Variants in MINK1 observed in about 807,000 individuals in gnomAD.
MINK1 encodes the protein misshapen like kinase 1.
In MINK1, 46 loss-of-function variants were observed where a neutral mutation model predicts 178.4. The ratio of observed to expected loss-of-function variants is 0.26; its 90% CI spans 0.20 to 0.33. The LOEUF (loss-of-function observed/expected upper bound fraction) is 0.33. Ranked by LOEUF, MINK1 falls within the 10% of genes least tolerant of loss-of-function variation. MINK1 has a pLI of 1.00. For synonymous variants in MINK1, 797 were observed against 709.7 expected, an observed-to-expected ratio of 1.12 and a Z score of -1.96; for missense variants, 1,366 against 1,814.9, an observed-to-expected ratio of 0.75 and a Z score of 4.49.
At position 4,892,162 on chromosome 17, in the gene MINK1, C is replaced by T; in HGVS notation, c.2015C>T (p.Thr672Ile). 1 of 1,599,070 alleles carries T rather than the reference C, an allele frequency of 6.3e-7. No homozygotes were observed. Among genetic ancestry groups the T allele is most frequent in the Non-Finnish European group, 8.5e-7 (1 of 1,173,828 alleles). ...NEAPPKVPQR[T>I]SSIATALNTS... ...TTCTCTCCACAGGTGCCTCAGAGGA[C>T]CTCATCTATCGCCACTGCCCTTAAC... is the stretch of plus-strand genomic sequence containing the variant. Residue 672 changes from threonine to isoleucine, a missense_variant, in exon 17 of 32, where the codon ACC becomes ATC. Coordinates refer to ENST00000355280, the MANE Select transcript of MINK1 (RefSeq NM_153827.5).
chr17:4,876,758 A>G (rs1411306814), intron 1 of MINK1, among the ~76,000 whole-genome samples: 4 of 151,780 alleles, frequency 2.6e-5, no homozygotes, highest in Non-Finnish European at 5.9e-5. Flanking sequence ...AGCGGTGGGG[A>G]CGGGCCCACC....
chr17:4,886,051 C>T lies in MINK1; in HGVS notation c.695-69C>T. 1 of 1,609,398 alleles carries T rather than the reference C, an allele frequency of 6.2e-7. No individual in the cohort carries two copies. The highest frequency in any genetic ancestry group is 1.1e-5 in the South Asian group (1 of 90,980). On this transcript the variant is annotated intron_variant, in intron 8 of 31. Transcript: ENST00000355280. The surrounding 1 kb of genome is among the most constrained non-coding windows in gnomAD (Gnocchi z 6.1). ...GTAGGGAGGAGGTGGGTCCTGGGAC[C>T]CTGCCGAGGAAGGGTCCTGTAGCTC...
chr17:4,893,217 C>T (rs1179864089), intron 20 of MINK1, 150 bp downstream of exon 20: 20 of 1,515,370 alleles, frequency 1.3e-5, no homozygotes, highest in Non-Finnish European at 1.8e-5. Flanking sequence ...GCTAACCTTT[C>T]CTAACCTCTC....
intron 2 of MINK1, among the ~76,000 whole-genome samples, chr17:4,879,298 G>A (rs1172638047): frequency 1.3e-5 from 2 of 152,248 alleles, no homozygotes; most frequent in Non-Finnish European, 2.9e-5. Context: ...CAGGGTGAAT[G>A]CTGCCTCTGA....
chr17:4,838,947 C>CT (rs149544017), intron 1 of MINK1, among the ~76,000 whole-genome samples: 12,058 of 145,034 alleles, frequency 0.083, 495 homozygotes, highest in Non-Finnish European at 0.098. Flanking sequence ...AGCCTAGACT[C>CT]TTTTTTTTTT....
At chr17:4,839,106 G>T (rs983541648) in intron 1 of MINK1, among the ~76,000 whole-genome samples, 1 of 152,118 alleles carries the variant, frequency 6.6e-6, no homozygotes, top group African/African-American at 2.4e-5. Flanking sequence ...ACAATGCCTG[G>T]CTAATTTTTT....
chr17:4,871,331 C>T (rs1016335932), intron 1 of MINK1, among the ~76,000 whole-genome samples: 2 of 151,808 alleles, frequency 1.3e-5, no homozygotes, highest in Non-Finnish European at 2.9e-5. Flanking sequence ...GCTGGGACTA[C>T]AGGTACATGC....
intron 1 of MINK1, among the ~76,000 whole-genome samples, chr17:4,860,605 G>A (rs1253806728): frequency 1.3e-5 from 2 of 152,188 alleles, no homozygotes; most frequent in Admixed American, 6.5e-5. Context: ...AGGCAGCACC[G>A]TGAGAGCTGC....
intron 4 of MINK1, among the ~76,000 whole-genome samples, chr17:4,883,495 A>C (rs918535631): frequency 6.8e-6 from 1 of 146,902 alleles, no homozygotes; most frequent in Non-Finnish European, 1.5e-5. Flanking sequence ...TGAGCCACTG[A>C]GCCCGGCCCA....
intron 1 of MINK1, among the ~76,000 whole-genome samples, chr17:4,837,291 TG>T (rs1409974274): frequency 6.6e-6 from 1 of 152,204 alleles, no homozygotes; most frequent in African/African-American, 2.4e-5. Flanking sequence ...TTGCACATAA[TG>T]GGGGCTCAAA....
rs1267908483 is a variant in MINK1, at chr17:4,895,483, C to T, written c.3219C>T (p.Ile1073=). 1 of 1,583,980 alleles carries T rather than the reference C, an allele frequency of 6.3e-7. No individual in the cohort carries two copies. The highest frequency in any genetic ancestry group is 1.3e-5 in the African/African-American group (1 of 74,478). The change falls in exon 26 of 32, where the codon ATC becomes ATT. Residue 1073 remains isoleucine (I), a synonymous_variant. Transcript: ENST00000355280. This position sits in a 1 kb window ranked among gnomAD's most constrained non-coding sequence, Gnocchi z 4.3. ...MDVLEGLNLL[I]TISGKRNKLR... ...TGCTGGAGGGGCTCAACCTGCTCAT[C>T]ACCATCTCAGGTACAGGTGTGGTGA...
chr17:4,885,928 A>G lies in MINK1; in HGVS notation c.657A>G (p.Leu219=). The change falls in exon 8 of 32, where the codon CTA becomes CTG. Residue 219 remains leucine, a synonymous_variant. Coordinates refer to ENST00000355280, the MANE Select transcript of MINK1 (RefSeq NM_153827.5). The surrounding 1 kb of genome is among the most constrained non-coding windows in gnomAD (Gnocchi z 5.0). ...GTCTATAGAGTGATATTTGGTCTCT[A>G]GGAATCACAGCCATCGAGATGGCAG... ...TYDYRSDIWS[L]GITAIEMAEG... is the part of the protein sequence containing the mutation. 1 of 1,613,850 alleles carries G rather than the reference A, an allele frequency of 6.2e-7. No individual in the cohort carries two copies. Among genetic ancestry groups the G allele is most frequent in the Non-Finnish European group, 8.5e-7 (1 of 1,179,824 alleles).
Position 4,889,854 on chromosome 17 carries a change from C to T in MINK1, c.1347+91C>T, listed in dbSNP as rs369321591. 1,297 of 897,014 alleles carry T rather than the reference C, an allele frequency of 1.4e-3. 32 individuals carry two copies. In the South Asian group the frequency reaches 0.021, roughly 15 times the overall value. The allele number at this position is 897,014 out of a possible 1,614,324, so 55.6% of individuals were successfully genotyped here. A position where few individuals can be genotyped will look rare whatever the true frequency, so the allele number is the denominator to read the frequency against. On this transcript the variant is annotated intron_variant, in intron 13 of 31. Transcript: ENST00000355280. ...CCCCGTGCCCTTCCCCCTTCTCTCC[C>T]CCACCCCCAGATTCCTCCTATCTTT... is the stretch of plus-strand genomic sequence containing the variant.
chr17:4,884,307 G>A (rs958622390), intron 4 of MINK1, 56 bp from the exon 5 acceptor site: 1 of 1,395,738 alleles, frequency 7.2e-7, no homozygotes. Context: ...TGGGGCAGGG[G>A]TGGGAGGGCT....
At position 4,885,623 on chromosome 17, in the gene MINK1, G is replaced by A; in HGVS notation, c.639+10G>A. On this transcript the variant is annotated intron_variant, in intron 7 of 31. Transcript: ENST00000355280. This position sits in a 1 kb window ranked among gnomAD's most constrained non-coding sequence, Gnocchi z 5.0. ...CACCTATGATTACAGGGTATGGAGTGGAAAGTTGGGAGCATGGGGGCTGCC... is the reference window on the plus strand; with the variant it reads ...CACCTATGATTACAGGGTATGGAGTAGAAAGTTGGGAGCATGGGGGCTGCC... 2 of 1,613,782 alleles carry A rather than the reference G, an allele frequency of 1.2e-6. No homozygotes were observed. Among genetic ancestry groups the A allele is most frequent in the Middle Eastern group, 1.7e-4 (1 of 6,054 alleles).
At chr17:4,873,710 CT>C (rs1291353892) in intron 1 of MINK1, among the ~76,000 whole-genome samples, 9 of 151,176 alleles carry the variant, frequency 6.0e-5, no homozygotes, top group African/African-American at 1.9e-4. Flanking sequence ...CCTCCACCTC[CT>C]GAGTTCAAGC....
chr17:4,867,141 T>G (rs1183979253), intron 1 of MINK1, among the ~76,000 whole-genome samples: 11 of 3,002 alleles, frequency 3.7e-3, no homozygotes, highest in African/African-American at 3.8e-3. Flanking sequence ...TAGGACTGTT[T>G]TTTTTTTTTT....
Position 4,895,670 on chromosome 17 carries a change from C to T in MINK1, c.3230-28C>T, listed in dbSNP as rs200739287. On this transcript the variant is annotated intron_variant, in intron 26 of 31. Transcript: ENST00000355280. This position sits in a 1 kb window ranked among gnomAD's most constrained non-coding sequence, Gnocchi z 4.3. ...TTCGGGCCTCAGATGAGAATGGGGGCGGGTGTGTATGTCTGTCCGTCCCTC... is the reference window on the plus strand; with the variant it reads ...TTCGGGCCTCAGATGAGAATGGGGGTGGGTGTGTATGTCTGTCCGTCCCTC... 10 of 1,609,316 alleles carry T rather than the reference C, an allele frequency of 6.2e-6. No individual in the cohort carries two copies. Among genetic ancestry groups the T allele is most frequent in the African/African-American group, 5.3e-5 (4 of 74,910 alleles).
rs919497792 is a variant in MINK1, at chr17:4,884,868, C to T, written c.418-44C>T. 6 of 1,561,960 alleles carry T rather than the reference C, an allele frequency of 3.8e-6. No individual in the cohort carries two copies. In the Admixed American group the frequency reaches 5.1e-5, roughly 13 times the overall value. On this transcript the variant is annotated intron_variant, in intron 5 of 31. Transcript: ENST00000355280. ...TCACTCCCCACTTACTCTTTCCTACCCCATCCAACACCATGGCTAATTTTC... is the reference window on the plus strand; with the variant it reads ...TCACTCCCCACTTACTCTTTCCTACTCCATCCAACACCATGGCTAATTTTC...
Sources: gnomAD v4.1 joint callset for allele counts (sites outside exome capture counted in the v4.1 genomes callset) on GRCh38, gnomAD v4.1.1 for gene constraint, Gnocchi (gnomAD v3.1) non-coding constraint, MANE v1.5 for transcripts, NCBI Gene and HGNC (gene_info 2026-07-23, HGNC 2026-07-21) for gene names.